Variants in CYB561D2 observed in about 807,000 individuals in gnomAD.
CYB561D2 encodes transmembrane reductase CYB561D2.
A neutral mutation model predicts 20.2 loss-of-function variants in CYB561D2; 16 were observed. The ratio of observed to expected loss-of-function variants is 0.79; its 90% confidence interval spans 0.53 to 1.20. The LOEUF is 1.20. Among genes scored for constraint, CYB561D2 ranks in the 50% most tolerant of loss-of-function variants. CYB561D2 has a pLI of 0.00. For synonymous variants in CYB561D2, 135 were observed against 128.3 expected, an observed-to-expected ratio of 1.05 and a Z score of -0.35; for missense variants, 247 against 270.3, an observed-to-expected ratio of 0.91 and a Z score of 0.60.
In CYB561D2 at chr3:50,353,691, AT is replaced by A; in HGVS notation, c.618del (p.Met207Ter). ...VLCPVLTSLV[I>X]MNQVSNAYLY... is the part of the protein sequence containing the mutation. ...ATGCCCTGTCCTCACCAGCTTGGTC[AT>A]TATGAACCAGGTGAGCAATGCCTAC... is the stretch of plus-strand genomic sequence containing the variant. On this transcript the variant is annotated frameshift_variant, in exon 4 of 4. Coordinates refer to ENST00000425346, the MANE Select transcript of CYB561D2 (RefSeq NM_001291284.2). LOFTEE classifies it high-confidence loss of function. 2.5e-6 allele frequency: 4 copies of A among 1,612,992 alleles called. 1 individual carries two copies. The highest frequency in any genetic ancestry group is 3.4e-6 in the Non-Finnish European group (4 of 1,179,896).
At chr3:50,352,704 AAAAG>A (rs1703799283) in intron 3 of CYB561D2, among the ~76,000 whole-genome samples, 1 of 151,362 alleles carries the variant, frequency 6.6e-6, no homozygotes, top group Non-Finnish European at 1.5e-5. Flanking sequence ...AAAAAAAAAA[AAAAG>A]AGACTTGAAT....
At position 50,353,360 on chromosome 3, in the gene CYB561D2, G is replaced by A; in HGVS notation, c.285G>A (p.Leu95=). The A allele has an allele frequency of 6.2e-7, 1 of 1,613,576 alleles. No individual in the cohort carries two copies. The highest frequency in any genetic ancestry group is 8.5e-7 in the Non-Finnish European group (1 of 1,180,028). ...GGGTGCTGCAGCTGCTGGCCCTGCTGTGTGCACTGCTGGGCCTCGGCCTTG... is the reference window on the plus strand; with the variant it reads ...GGGTGCTGCAGCTGCTGGCCCTGCTATGTGCACTGCTGGGCCTCGGCCTTG... ...CHWVLQLLAL[L]CALLGLGLVI... The change falls in exon 4 of 4, where the codon CTG becomes CTA. Residue 95 remains leucine (L), a synonymous_variant. Coordinates refer to ENST00000425346, the MANE Select transcript of CYB561D2 (RefSeq NM_001291284.2).
chr3:50,351,195 C>G, intron 1 of CYB561D2: 2 of 540,516 alleles, frequency 3.7e-6, no homozygotes, highest in South Asian at 6.0e-5. Context: ...GGAAGGCGGG[C>G]CAGCGATTGG....
rs147173262 is a variant in CYB561D2 at position 50,353,697 on chromosome 3, A to C, written c.622A>C (p.Asn208His). 3.7e-6 allele frequency: 6 copies of C among 1,612,686 alleles called. No individual in the cohort carries two copies. In the East Asian group the frequency reaches 1.3e-4, roughly 36 times the overall value. ...TGTCCTCACCAGCTTGGTCATTATG[A>C]ACCAGGTGAGCAATGCCTACCTATA... ...CPVLTSLVIM[N>H]QVSNAYLYRK... Residue 208 changes from asparagine to histidine, a missense_variant, in exon 4 of 4, where the codon AAC (asparagine) becomes CAC (histidine). By Grantham distance (68) the Asn-to-His change is moderately conservative. Coordinates refer to ENST00000425346, the MANE Select transcript of CYB561D2 (RefSeq NM_001291284.2).
At chr3:50,352,464 G>T (rs2044449394) in intron 3 of CYB561D2, among the ~76,000 whole-genome samples, 1 of 146,396 alleles carries the variant, frequency 6.8e-6, no homozygotes. Flanking sequence ...TCTAACCTAG[G>T]CGACAGAGCG....
chr3:50,351,384 C>T lies in CYB561D2; in HGVS notation c.-25-25C>T, dbSNP rs200946643. Reference sequence around the variant, plus strand: ...GAGTGAACAGTGGGCACCTGAGATCCTGGCCCACGCTACTATGCTTTCAGG... The same window carrying T: ...GAGTGAACAGTGGGCACCTGAGATCTTGGCCCACGCTACTATGCTTTCAGG... On this transcript the variant is annotated intron_variant, in intron 1 of 3. Coordinates refer to ENST00000425346, the MANE Select transcript of CYB561D2 (RefSeq NM_001291284.2). 3.6e-4 allele frequency: 572 copies of T among 1,593,244 alleles called. 4 individuals carry two copies. The Middle Eastern group carries it at 8.5e-3, about 24-fold the overall frequency.
At position 50,353,320 on chromosome 3, in the gene CYB561D2, G is replaced by C. The variant is rs752175563; in HGVS notation, c.245G>C (p.Arg82Pro). The change falls in exon 4 of 4, where the codon CGA becomes CCA. Residue 82 changes from arginine to proline, a missense_variant. Physicochemically the swap from Arg to Pro is moderately radical, Grantham distance 103 (BLOSUM62 -2). Coordinates refer to ENST00000425346, the MANE Select transcript of CYB561D2 (RefSeq NM_001291284.2). ...SLLHSLSRKGRARCHWVLQLL... is the reference protein window; with the variant it reads ...SLLHSLSRKGPARCHWVLQLL... ...CTGCACTCCCTCTCACGGAAAGGCC[G>C]AGCACGCTGCCACTGGGTGCTGCAG... The C allele has an allele frequency of 5.0e-6, 8 of 1,609,794 alleles. No individual in the cohort carries two copies. In the East Asian group the frequency reaches 1.6e-4, roughly 31 times the overall value.
At chr3:50,352,183 T>C in intron 3 of CYB561D2, 137 bp downstream of exon 3, 1 of 1,095,334 alleles carries the variant, frequency 9.1e-7, no homozygotes, top group Non-Finnish European at 1.3e-6. Context: ...GCCCATGGTA[T>C]ATATTTCAGA....
intron 2 of CYB561D2, 126 bp from the exon 3 acceptor site, chr3:50,351,883 G>C: frequency 8.6e-7 from 1 of 1,165,880 alleles, no homozygotes; most frequent in Non-Finnish European, 1.3e-6. Flanking sequence ...TGCAGAGCAA[G>C]AAGGGGCTCA....
Position 50,354,004 on chromosome 3 carries a change from C to A in CYB561D2, c.*260C>A. On this transcript the variant is annotated 3_prime_UTR_variant, in exon 4 of 4. Coordinates refer to ENST00000425346, the MANE Select transcript of CYB561D2 (RefSeq NM_001291284.2). ...CTGCAAGACTGCCTCTCCTGCAAGGCAGCTCATACTTGTACTGTATGTTCA... is the reference window on the plus strand; with the variant it reads ...CTGCAAGACTGCCTCTCCTGCAAGGAAGCTCATACTTGTACTGTATGTTCA... The A allele has an allele frequency of 2.0e-6, 1 of 502,794 alleles. No homozygotes were observed. 31.1% of individuals were successfully genotyped at this position (502,794 alleles called of 1,614,324 possible).
At chr3:50,352,510 CAAA>C (rs1276866428) in intron 3 of CYB561D2, among the ~76,000 whole-genome samples, 1 of 137,866 alleles carries the variant, frequency 7.3e-6, no homozygotes, top group African/African-American at 2.7e-5. Flanking sequence ...AACCCAAAAA[CAAA>C]AAAACCCCCC....
In CYB561D2 at chr3:50,353,311, G is replaced by A. The variant is rs762862702; in HGVS notation, c.236G>A (p.Arg79Gln). The change falls in exon 4 of 4, where the codon CGG (arginine) becomes CAG (glutamine). Residue 79 changes from arginine (R) to glutamine (Q), a missense_variant. Transcript: ENST00000425346. ...PESSLLHSLS[R>Q]KGRARCHWVL... The stretch of plus-strand genomic sequence containing the variant: ...AGTTCGCTGCTGCACTCCCTCTCAC[G>A]GAAAGGCCGAGCACGCTGCCACTGG... 3.7e-5 allele frequency: 60 copies of A among 1,604,790 alleles called. No individual in the cohort carries two copies. Among genetic ancestry groups the A allele is most frequent in the Admixed American group, 1.7e-4 (10 of 59,754 alleles).
chr3:50,353,998 G>A lies in CYB561D2; in HGVS notation c.*254G>A, dbSNP rs1319018958. The stretch of plus-strand genomic sequence containing the variant: ...CTGGGGCTGCAAGACTGCCTCTCCT[G>A]CAAGGCAGCTCATACTTGTACTGTA... On this transcript the variant is annotated 3_prime_UTR_variant, in exon 4 of 4. Transcript: ENST00000425346. 4 of 508,688 alleles carry A rather than the reference G, an allele frequency of 7.9e-6. No homozygotes were observed. In the East Asian group the frequency reaches 1.2e-4, roughly 16 times the overall value. The allele number at this position is 508,688 out of a possible 1,614,324, so 31.5% of individuals were successfully genotyped here. A position where few individuals can be genotyped will look rare whatever the true frequency, so the allele number is the denominator to read the frequency against.
Position 50,351,412 on chromosome 3 carries a change from A to G in CYB561D2, c.-22A>G, listed in dbSNP as rs1304378592. 2 of 1,611,194 alleles carry G rather than the reference A, an allele frequency of 1.2e-6. No homozygotes were observed. The highest frequency in any genetic ancestry group is 1.1e-5 in the South Asian group (1 of 90,964). On this transcript the variant is annotated 5_prime_UTR_variant, in exon 2 of 4. Coordinates refer to ENST00000425346, the MANE Select transcript of CYB561D2 (RefSeq NM_001291284.2). Reference sequence around the variant, plus strand: ...GCCCACGCTACTATGCTTTCAGGCTACAACCACTAGCACGGCTGACGATGG... The same window carrying G: ...GCCCACGCTACTATGCTTTCAGGCTGCAACCACTAGCACGGCTGACGATGG...
In CYB561D2 at chr3:50,351,678, A is replaced by T. The variant is rs116421181; in HGVS notation, c.127+118A>T. On this transcript the variant is annotated intron_variant, in intron 2 of 3. Coordinates refer to ENST00000425346, the MANE Select transcript of CYB561D2 (RefSeq NM_001291284.2). ...GTTGAGGGAATTCTGTGCTGGAGCGATGAGTGAGGTGGAGCAGGTAGGTAT... is the reference window on the plus strand; with the variant it reads ...GTTGAGGGAATTCTGTGCTGGAGCGTTGAGTGAGGTGGAGCAGGTAGGTAT... 5.8e-4 allele frequency: 821 copies of T among 1,416,026 alleles called. 4 individuals are homozygous for T. The African/African-American group carries it at 0.011, about 19-fold the overall frequency. The allele number at this position is 1,416,026 out of a possible 1,614,324, so 87.7% of individuals were successfully genotyped here. A position where few individuals can be genotyped will look rare whatever the true frequency, so the allele number is the denominator to read the frequency against.
At position 50,351,396 on chromosome 3, in the gene CYB561D2, A is replaced by G. The variant is rs1703755400; in HGVS notation, c.-25-13A>G. ...GGCACCTGAGATCCTGGCCCACGCT[A>G]CTATGCTTTCAGGCTACAACCACTA... On this transcript the variant is annotated splice_polypyrimidine_tract_variant and intron_variant, in intron 1 of 3. Coordinates refer to ENST00000425346, the MANE Select transcript of CYB561D2 (RefSeq NM_001291284.2). 2.5e-6 allele frequency: 4 copies of G among 1,607,210 alleles called. No individual in the cohort carries two copies. Among genetic ancestry groups the G allele is most frequent in the Non-Finnish European group, 2.6e-6 (3 of 1,175,560 alleles).
intron 2 of CYB561D2, 101 bp from the exon 3 acceptor site, chr3:50,351,908 C>T: frequency 6.9e-7 from 1 of 1,448,702 alleles, no homozygotes; most frequent in Admixed American, 1.7e-5. Flanking sequence ...TTGGCAGCAC[C>T]TCCTTGGGTG....
At position 50,352,195 on chromosome 3, in the gene CYB561D2, T is replaced by G. The variant is rs587667319; in HGVS notation, c.165+149T>G. ...CCTGCCCATGGTATATATTTCAGAC[T>G]TGAGGCTGGGCACGGTGGCTCATGC... On this transcript the variant is annotated intron_variant, in intron 3 of 3. Coordinates refer to ENST00000425346, the MANE Select transcript of CYB561D2 (RefSeq NM_001291284.2). The G allele has an allele frequency of 1.7e-5, 17 of 1,027,292 alleles. No homozygotes were observed. The East Asian group carries it at 4.1e-4, about 25-fold the overall frequency. The allele number at this position is 1,027,292 out of a possible 1,614,324, so 63.6% of individuals were successfully genotyped here.
At chr3:50,351,369 TG>T in intron 1 of CYB561D2, 39 bp from the exon 2 acceptor site, 1 of 1,582,388 alleles carries the variant, frequency 6.3e-7, no homozygotes, top group South Asian at 1.1e-5. Flanking sequence ...GAGTGAACAG[TG>T]GGCACCTGAG....
Sources: gnomAD v4.1 joint callset for allele counts (sites outside exome capture counted in the v4.1 genomes callset) on GRCh38, gnomAD v4.1.1 for gene constraint, MANE v1.5 for transcripts, NCBI Gene and HGNC (gene_info 2026-07-23, HGNC 2026-07-21) for gene names.